PRSS23: variants seen among roughly 807,000 people sequenced by gnomAD.
PRSS23 encodes the protein protease, serine 23.
PRSS23 carries 25 observed loss-of-function variants against 34.7 expected under a neutral mutation model. The ratio of observed to expected loss-of-function variants is 0.72; its 90% CI spans 0.53 to 1.01. The LOEUF is 1.01. Ranked by LOEUF, PRSS23 falls within the 50% of genes least tolerant of loss-of-function variation. The probability of loss-of-function intolerance (pLI) is 0.00; values close to 1 mark genes in which losing one functional copy is unlikely to be tolerated. For synonymous variants in PRSS23, 176 were observed against 186.6 expected (o/e 0.94, Z 0.46); for missense variants, 445 against 475.6 (o/e 0.94, Z 0.60).
intron 2 of PRSS23, chr11:86,932,569 C>T (rs1205274393): frequency 1.3e-5 from 2 of 151,562 alleles, no homozygotes; most frequent in African/African-American, 4.8e-5. Flanking sequence ...GAACTGTTCA[C>T]TCACCATTTA....
chr11:86,922,323 T>C (rs1483449349), intron 2 of PRSS23, among the ~76,000 whole-genome samples: 1 of 152,122 alleles, frequency 6.6e-6, no homozygotes, highest in African/African-American at 2.4e-5. Context: ...TCTCAACTTT[T>C]ATTTCCTCCT....
At chr11:86,863,847 A>G (rs1948632052) in intron 2 of PRSS23, among the ~76,000 whole-genome samples, 1 of 152,232 alleles carries the variant, frequency 6.6e-6, no homozygotes, top group Non-Finnish European at 1.5e-5. Context: ...ATTCTGTATT[A>G]AAGAGCAAGG....
intron 2 of PRSS23, among the ~76,000 whole-genome samples, chr11:86,912,963 C>T (rs1948987300): frequency 6.6e-6 from 1 of 152,132 alleles, no homozygotes; most frequent in African/African-American, 2.4e-5. Context: ...AATTCAATCT[C>T]TATCTCTCAC....
intron 2 of PRSS23, among the ~76,000 whole-genome samples, chr11:86,905,723 CT>C (rs763139861): frequency 6.6e-6 from 1 of 152,168 alleles, no homozygotes; most frequent in Non-Finnish European, 1.5e-5. Context: ...TGCTGTCAAG[CT>C]TAATAGAAGG....
chr11:86,847,645 C>G (rs989939758), intron 2 of PRSS23, among the ~76,000 whole-genome samples: 1 of 152,108 alleles, frequency 6.6e-6, no homozygotes, highest in Non-Finnish European at 1.5e-5. Context: ...TAAGATGTAT[C>G]CTGAATAACT....
At chr11:86,864,739 C>A (rs1211688593) in intron 2 of PRSS23, among the ~76,000 whole-genome samples, 2 of 152,224 alleles carry the variant, frequency 1.3e-5, no homozygotes, top group Admixed American at 1.3e-4. Context: ...ATCAAGGTGT[C>A]AGCAGAGCTG....
chr11:86,832,321 T>C (rs576375633), intron 2 of PRSS23, among the ~76,000 whole-genome samples: 1 of 152,258 alleles, frequency 6.6e-6, no homozygotes, highest in African/African-American at 2.4e-5. Flanking sequence ...TTTTTCACAA[T>C]ATTTTAGGGA....
rs537432820 is a variant in PRSS23, at chr11:86,858,479, A to G, written c.206+34886A>G. ...GGGGGAGATGATGTTATTACTCCCA[A>G]TATCTCAGGGGGTGTACACCGCCCC... On this transcript the variant is annotated intron_variant, in intron 2 of 2. Transcript: ENST00000533902. Among the ~76,000 whole-genome samples the G allele has an allele frequency of 2.6e-5, 4 of 152,078 alleles. No homozygotes were observed. The East Asian group carries it at 7.7e-4, about 29-fold the overall frequency.
intron 2 of PRSS23, among the ~76,000 whole-genome samples, chr11:86,859,961 T>A (rs1245320943): frequency 6.6e-6 from 1 of 152,012 alleles, no homozygotes; most frequent in Non-Finnish European, 1.5e-5. Context: ...AGGAAGAGGA[T>A]AATATTAATT....
chr11:86,821,051 A>G (rs1235370828), intron 1 of PRSS23: 2 of 246,814 alleles, frequency 8.1e-6, no homozygotes, highest in African/African-American at 4.7e-5. Flanking sequence ...AAGCTATAAT[A>G]TGGATACATG....
intron 2 of PRSS23, among the ~76,000 whole-genome samples, chr11:86,878,727 G>A (rs1006404328): frequency 1.4e-5 from 2 of 142,938 alleles, no homozygotes; most frequent in East Asian, 2.2e-4. Flanking sequence ...GCCGCCCATC[G>A]TCTGGGACGT....
chr11:86,945,117 A>G (rs548930003), intron 2 of PRSS23, among the ~76,000 whole-genome samples: 2 of 152,244 alleles, frequency 1.3e-5, no homozygotes, highest in African/African-American at 4.8e-5. Context: ...AGACCATCCA[A>G]TTTATAAAAT....
At chr11:86,877,485 T>A (rs1297595518) in intron 2 of PRSS23, among the ~76,000 whole-genome samples, 1 of 152,224 alleles carries the variant, frequency 6.6e-6, no homozygotes, top group African/African-American at 2.4e-5. Flanking sequence ...TTGAGGCTTT[T>A]TCTATTTTGA....
intron 1 of PRSS23, chr11:86,823,371 C>T (rs1223528590): frequency 2.1e-5 from 15 of 702,182 alleles, no homozygotes; most frequent in Middle Eastern, 2.4e-4. Context: ...GTTTCATCTA[C>T]TTCAGATGGC....
chr11:86,897,046 T>G (rs917394920), intron 2 of PRSS23, among the ~76,000 whole-genome samples: 1 of 152,214 alleles, frequency 6.6e-6, no homozygotes, highest in African/African-American at 2.4e-5. Flanking sequence ...GCCCAATTAT[T>G]TGCATAAAAT....
chr11:86,823,457 G>T, exon 2 of PRSS23: 1 of 702,324 alleles, frequency 1.4e-6, no homozygotes, highest in Non-Finnish European at 2.6e-6. Flanking sequence ...GAAGCGAGAG[G>T]GCTCAACAGT....
chr11:86,827,952 G>A (rs954413163), intron 2 of PRSS23, among the ~76,000 whole-genome samples: 3 of 152,202 alleles, frequency 2.0e-5, no homozygotes, highest in Non-Finnish European at 2.9e-5. Flanking sequence ...GTGTGGTGCT[G>A]AGAAAAATGT....
chr11:86,831,476 A>T (rs1016437568), intron 2 of PRSS23, among the ~76,000 whole-genome samples: 9 of 151,608 alleles, frequency 5.9e-5, no homozygotes, highest in African/African-American at 2.2e-4. Flanking sequence ...GTTTTGGGGG[A>T]TGTTACTTTT....
At chr11:86,838,328 G>A (rs1308082738) in intron 2 of PRSS23, among the ~76,000 whole-genome samples, 1 of 152,178 alleles carries the variant, frequency 6.6e-6, no homozygotes, top group Non-Finnish European at 1.5e-5. Flanking sequence ...GCCTGGCTTG[G>A]TGGGTGCCAC....
Sources: gnomAD v4.1 joint callset for allele counts (sites outside exome capture counted in the v4.1 genomes callset) on GRCh38, gnomAD v4.1.1 for gene constraint, MANE v1.5 for transcripts, NCBI Gene and HGNC (gene_info 2026-07-23, HGNC 2026-07-21) for gene names.